Variants in RFTN1 observed in about 807,000 individuals in gnomAD.
The protein encoded by RFTN1 is raftlin.
RFTN1 carries 26 observed loss-of-function variants against 46.5 expected under a neutral mutation model. That is an observed-to-expected ratio of 0.56 (90% CI 0.41 to 0.78). The LOEUF is 0.78. Among genes scored for constraint, RFTN1 ranks in the 30% least tolerant of loss-of-function variants. The pLI is 0.00. For synonymous variants in RFTN1, 261 were observed against 284.2 expected, an observed-to-expected ratio of 0.92 and a Z score of 0.82; for missense variants, 693 against 718.7, an observed-to-expected ratio of 0.96 and a Z score of 0.41.
chr3:16,507,641 C>T lies in RFTN1; in HGVS notation c.-9+5801G>A, dbSNP rs567662008. ...ACACACATACACACACACATGCACA[C>T]ATCCACAAACACGCACATACATACA... On this transcript the variant is annotated intron_variant, in intron 1 of 9. Coordinates refer to ENST00000334133, the MANE Select transcript of RFTN1 (RefSeq NM_015150.2). This position sits in a 1 kb window ranked among gnomAD's most constrained non-coding sequence, Gnocchi z 7.1. Among the ~76,000 whole-genome samples, 5 of 151,546 alleles carry T rather than the reference C, an allele frequency of 3.3e-5. No individual in the cohort carries two copies. Among genetic ancestry groups the T allele is most frequent in the Non-Finnish European group, 7.4e-5 (5 of 67,790 alleles).
rs897142888 is a variant in RFTN1, at chr3:16,458,595, C to T, written c.146-24558G>A. Among the ~76,000 whole-genome samples, 2 of 152,142 alleles carry T rather than the reference C, an allele frequency of 1.3e-5. No homozygotes were observed. The highest frequency in any genetic ancestry group is 4.8e-5 in the African/African-American group (2 of 41,420). On this transcript the variant is annotated intron_variant, in intron 2 of 9. Coordinates refer to ENST00000334133, the MANE Select transcript of RFTN1 (RefSeq NM_015150.2). This position sits in a 1 kb window ranked among gnomAD's most constrained non-coding sequence, Gnocchi z 5.1. ...TGTAAATCGTAAATTGTCCTTTCAA[C>T]ATGCATAATGACAAGCATTTCGACC... is the stretch of plus-strand genomic sequence containing the variant.
intron 2 of RFTN1, among the ~76,000 whole-genome samples, chr3:16,470,244 A>C (rs981927640): frequency 2.0e-5 from 3 of 152,140 alleles, no homozygotes; most frequent in African/African-American, 4.8e-5. Flanking sequence ...ACACACACAC[A>C]CACACATACA....
At chr3:16,368,960 A>G (rs1575153991) in intron 6 of RFTN1, among the ~76,000 whole-genome samples, 1 of 152,110 alleles carries the variant, frequency 6.6e-6, no homozygotes, top group Non-Finnish European at 1.5e-5. Flanking sequence ...CAAGCCAATC[A>G]CCTTTCTTGT....
At chr3:16,379,209 A>T (rs2073895603) in intron 4 of RFTN1, among the ~76,000 whole-genome samples, 6 of 152,260 alleles carry the variant, frequency 3.9e-5, no homozygotes. Context: ...TTCTCTCTAA[A>T]GGAGAAGCTG....
At chr3:16,378,446 T>C (rs62236294) in intron 4 of RFTN1, among the ~76,000 whole-genome samples, 16,419 of 152,216 alleles carry the variant, frequency 0.11, 1,011 homozygotes, top group South Asian at 0.19. Flanking sequence ...AAGGAGGAAG[T>C]TTGTTTTATT....
chr3:16,434,075 C>T, intron 2 of RFTN1, 38 bp from the exon 3 acceptor site: 1 of 1,506,580 alleles, frequency 6.6e-7, no homozygotes, highest in Non-Finnish European at 8.8e-7. Context: ...AAAGACCCAT[C>T]ACAACGCCCA....
Position 16,465,419 on chromosome 3 carries a change from G to GACAC in RFTN1, c.145+28302_145+28305dup, listed in dbSNP as rs10560544. Among the ~76,000 whole-genome samples, 11,423 of 143,274 alleles carry GACAC rather than the reference G, an allele frequency of 0.08. 445 individuals carry two copies. Among genetic ancestry groups the GACAC allele is most frequent in the East Asian group, 0.17 (841 of 4,926 alleles). 94.0% of individuals were successfully genotyped at this position (143,274 alleles called of 152,430 possible). A position where few individuals can be genotyped will look rare whatever the true frequency, so the allele number is the denominator to read the frequency against. ...CCAACAGAGGTTGGCAGCTCAGAGG[G>GACAC]ACACACACACACACACACACACACA... is the stretch of plus-strand genomic sequence containing the variant. On this transcript the variant is annotated intron_variant, in intron 2 of 9. Coordinates refer to ENST00000334133, the MANE Select transcript of RFTN1 (RefSeq NM_015150.2). This position sits in a 1 kb window ranked among gnomAD's most constrained non-coding sequence, Gnocchi z 5.1.
chr3:16,324,095 G>A (rs2069400809), intron 8 of RFTN1, among the ~76,000 whole-genome samples: 1 of 141,678 alleles, frequency 7.1e-6, no homozygotes, highest in Non-Finnish European at 1.6e-5. Flanking sequence ...GTATTGTAAA[G>A]AAGATCACTG....
intron 4 of RFTN1, among the ~76,000 whole-genome samples, chr3:16,391,351 A>G (rs2074337319): frequency 6.6e-6 from 1 of 152,242 alleles, no homozygotes; most frequent in Non-Finnish European, 1.5e-5. Context: ...ATCCTGGGTT[A>G]CATGTATAGA....
chr3:16,385,710 G>C lies in RFTN1; in HGVS notation c.442-7608C>G, dbSNP rs1330702172. On this transcript the variant is annotated intron_variant, in intron 4 of 9. Coordinates refer to ENST00000334133, the MANE Select transcript of RFTN1 (RefSeq NM_015150.2). The surrounding 1 kb of genome is among the most constrained non-coding windows in gnomAD (Gnocchi z 5.0). ...CATAGTAGATGCATGCCCTGACCAGGAGGGCACAGTCAAAGAGTCAACACG... is the reference window on the plus strand; with the variant it reads ...CATAGTAGATGCATGCCCTGACCAGCAGGGCACAGTCAAAGAGTCAACACG... 6.6e-6 allele frequency among the ~76,000 whole-genome samples: 1 copy of C among 152,194 alleles called. No homozygotes were observed. Among genetic ancestry groups the C allele is most frequent in the Non-Finnish European group, 1.5e-5 (1 of 68,048 alleles).
chr3:16,420,374 A>G (rs2075161958), intron 3 of RFTN1, among the ~76,000 whole-genome samples: 2 of 152,226 alleles, frequency 1.3e-5, no homozygotes, highest in Admixed American at 1.3e-4. Flanking sequence ...CACAAATAGA[A>G]TACTGAATAA....
chr3:16,446,463 C>A lies in RFTN1; in HGVS notation c.146-12426G>T, dbSNP rs2075731386. On this transcript the variant is annotated intron_variant, in intron 2 of 9. Coordinates refer to ENST00000334133, the MANE Select transcript of RFTN1 (RefSeq NM_015150.2). The surrounding 1 kb of genome is among the most constrained non-coding windows in gnomAD (Gnocchi z 4.5). ...CCACGTCCAACAAGCAGAAGGGACACCTCACTTTCAGGTCACCAACTATCC... is the reference window on the plus strand; with the variant it reads ...CCACGTCCAACAAGCAGAAGGGACAACTCACTTTCAGGTCACCAACTATCC... Among the ~76,000 whole-genome samples the A allele has an allele frequency of 6.6e-6, 1 of 152,022 alleles. No individual in the cohort carries two copies. Among genetic ancestry groups the A allele is most frequent in the East Asian group, 1.9e-4 (1 of 5,190 alleles).
intron 6 of RFTN1, among the ~76,000 whole-genome samples, chr3:16,368,625 C>G (rs896598937): frequency 6.9e-6 from 1 of 145,652 alleles, no homozygotes; most frequent in African/African-American, 2.6e-5. Context: ...GAGCCGAGAT[C>G]GCGCCACTGC....
chr3:16,494,624 A>G (rs2076595111), intron 1 of RFTN1, among the ~76,000 whole-genome samples: 1 of 152,216 alleles, frequency 6.6e-6, no homozygotes, highest in African/African-American at 2.4e-5. Flanking sequence ...AAAAGAAAAT[A>G]AAGAAATGTT....
intron 6 of RFTN1, among the ~76,000 whole-genome samples, chr3:16,366,035 G>A (rs2073146590): frequency 1.3e-5 from 2 of 152,178 alleles, no homozygotes; most frequent in South Asian, 4.1e-4. Context: ...GGCAAGCACA[G>A]GCCAAGGGTA....
chr3:16,460,936 G>C lies in RFTN1; in HGVS notation c.146-26899C>G, dbSNP rs1432361231. ...CTTCAACAAATGACAGACAAAGCAG[G>C]TTTGGTCCCAATGTAAAATGAAGTC... On this transcript the variant is annotated intron_variant, in intron 2 of 9. Transcript: ENST00000334133. The surrounding 1 kb of genome is among the most constrained non-coding windows in gnomAD (Gnocchi z 4.8). Among the ~76,000 whole-genome samples the C allele has an allele frequency of 6.6e-6, 1 of 152,160 alleles. No individual in the cohort carries two copies. The highest frequency in any genetic ancestry group is 1.9e-4 in the East Asian group (1 of 5,194).
chr3:16,493,679 C>T, intron 2 of RFTN1, 46 bp downstream of exon 2: 2 of 1,532,906 alleles, frequency 1.3e-6, no homozygotes, highest in African/African-American at 1.4e-5. Context: ...CAGGCCCCTG[C>T]TGGAGACCCC....
At chr3:16,386,403 G>A (rs1403508762) in intron 4 of RFTN1, among the ~76,000 whole-genome samples, 1 of 152,152 alleles carries the variant, frequency 6.6e-6, no homozygotes, top group Non-Finnish European at 1.5e-5. Flanking sequence ...ATAACAATAG[G>A]TATTATTTTT....
intron 7 of RFTN1, among the ~76,000 whole-genome samples, chr3:16,347,088 C>G (rs189803618): frequency 6.6e-6 from 1 of 152,290 alleles, no homozygotes; most frequent in Non-Finnish European, 1.5e-5. Flanking sequence ...GTTGGCCTTT[C>G]CCCCATTCTG....
Sources: allele counts gnomAD v4.1 joint callset (sites outside exome capture counted in the v4.1 genomes callset), GRCh38; gene constraint gnomAD v4.1.1; non-coding constraint Gnocchi (gnomAD v3.1); transcripts MANE v1.5; gene names NCBI Gene and HGNC (gene_info 2026-07-23, HGNC 2026-07-21).